The following CNTN6 variants were observed in gnomAD, a reference collection of about 807,000 sequenced individuals.
CNTN6 encodes the protein contactin 6.
A neutral mutation model predicts 122.8 loss-of-function variants in CNTN6; 137 were observed. The observed-to-expected ratio is 1.12, with a 90% CI of 0.97 to 1.29. The LOEUF (loss-of-function observed/expected upper bound fraction) is 1.29, where lower values mean the gene tolerates loss of function less well. Ranked by LOEUF, CNTN6 falls within the 50% of genes most tolerant of loss-of-function variation. CNTN6 has a pLI of 0.00. For synonymous variants in CNTN6, 570 were observed against 426.0 expected, an observed-to-expected ratio of 1.34 and a Z score of -4.16; for missense variants, 1,634 against 1,223.4, an observed-to-expected ratio of 1.34 and a Z score of -5.01.
intron 2 of CNTN6, among the ~76,000 whole-genome samples, chr3:1,169,148 T>C (rs561399070): frequency 1.4e-4 from 22 of 152,296 alleles, no homozygotes; most frequent in Middle Eastern, 3.4e-3. Context: ...AGTCATGCTT[T>C]AGGATTTAAT....
chr3:1,320,225 T>A (rs1043745661), intron 7 of CNTN6, among the ~76,000 whole-genome samples: 4 of 151,744 alleles, frequency 2.6e-5, no homozygotes, highest in African/African-American at 7.3e-5. Flanking sequence ...AAGTTTTCAC[T>A]GTAATTGTAT....
chr3:1,227,981 C>A lies in CNTN6; in HGVS notation c.346C>A (p.Leu116Ile), dbSNP rs930177538. 2.5e-6 allele frequency: 4 copies of A among 1,613,154 alleles called. No homozygotes were observed. Among genetic ancestry groups the A allele is most frequent in the African/African-American group, 1.3e-5 (1 of 74,976 alleles). Residue 116 changes from leucine (L) to isoleucine (I), a missense_variant, in exon 4 of 23, where the codon CTC becomes ATC. Coordinates refer to ENST00000446702, the MANE Select transcript of CNTN6 (RefSeq NM_001289080.2). ...GACAATTCTGAGTCGGAAGGCAAAG[C>A]TCCAATTTGCATGTGAGTTTGGGGT... ...LGTILSRKAK[L>I]QFAYIEDFET...
chr3:1,127,771 A>C (rs2092215229), intron 1 of CNTN6, among the ~76,000 whole-genome samples: 1 of 151,762 alleles, frequency 6.6e-6, no homozygotes, highest in South Asian at 2.1e-4. Context: ...GGTCTTTTCT[A>C]TTTTTTTCCA....
chr3:1,360,733 C>T lies in CNTN6; in HGVS notation c.1492+8282C>T, dbSNP rs141695396. ...AACTCAAATCAAGCTAATTCCAGCT[C>T]AGATATTTCTCTTCAATCCCCAAAT... On this transcript the variant is annotated intron_variant, in intron 12 of 22. Coordinates refer to ENST00000446702, the MANE Select transcript of CNTN6 (RefSeq NM_001289080.2). Among the ~76,000 whole-genome samples, 246 of 151,996 alleles carry T rather than the reference C, an allele frequency of 1.6e-3. 2 individuals are homozygous for T. Among genetic ancestry groups the T allele is most frequent in the African/African-American group, 5.7e-3 (236 of 41,496 alleles).
At position 1,295,778 on chromosome 3, in the gene CNTN6, C is replaced by G. The variant is rs773974638; in HGVS notation, c.632C>G (p.Pro211Arg). 5.6e-6 allele frequency: 9 copies of G among 1,613,772 alleles called. No homozygotes were observed. Among genetic ancestry groups the G allele is most frequent in the Non-Finnish European group, 7.6e-6 (9 of 1,179,838 alleles). ...KEAQRSVQGP[P>R]TPLVQRTDGV... ...GCCCAGAGAAGTGTTCAAGGTCCAC[C>G]CACTCCATTAGTGCAGCGCACTGAT... Residue 211 changes from proline (P) to arginine (R), a missense_variant, in exon 6 of 23, where the codon CCC becomes CGC. Coordinates refer to ENST00000446702, the MANE Select transcript of CNTN6 (RefSeq NM_001289080.2).
intron 5 of CNTN6, among the ~76,000 whole-genome samples, chr3:1,279,081 G>C (rs1692922714): frequency 6.6e-6 from 1 of 152,176 alleles, no homozygotes; most frequent in African/African-American, 2.4e-5. Flanking sequence ...ATTACCGGAA[G>C]GGATAGATCA....
At chr3:1,208,006 G>T (rs1295312135) in intron 2 of CNTN6, among the ~76,000 whole-genome samples, 2 of 151,702 alleles carry the variant, frequency 1.3e-5, no homozygotes, top group Non-Finnish European at 2.9e-5. Context: ...TGTTGGTATT[G>T]TGCCTACATA....
chr3:1,344,422 C>T (rs6775831), intron 11 of CNTN6, among the ~76,000 whole-genome samples: 52 of 152,220 alleles, frequency 3.4e-4, no homozygotes, highest in African/African-American at 1.2e-3. Context: ...ACCTGACTGC[C>T]CCTTTGCTGG....
intron 12 of CNTN6, among the ~76,000 whole-genome samples, chr3:1,368,179 A>G (rs1708501535): frequency 3.3e-5 from 5 of 152,192 alleles, no homozygotes; most frequent in Admixed American, 3.3e-4. Flanking sequence ...GTAATTGAAG[A>G]TACAAAAATG....
At chr3:1,276,228 C>A (rs1692333901) in intron 4 of CNTN6, among the ~76,000 whole-genome samples, 1 of 152,158 alleles carries the variant, frequency 6.6e-6, no homozygotes, top group South Asian at 2.1e-4. Flanking sequence ...TTATGCCAAT[C>A]TAACAGGATG....
At chr3:1,257,993 C>T (rs2094786968) in intron 4 of CNTN6, among the ~76,000 whole-genome samples, 1 of 152,102 alleles carries the variant, frequency 6.6e-6, no homozygotes, top group Admixed American at 6.6e-5. Flanking sequence ...CTATCAATTT[C>T]ATTTTAACCT....
intron 12 of CNTN6, among the ~76,000 whole-genome samples, chr3:1,362,205 A>C (rs1250992580): frequency 6.6e-6 from 1 of 152,078 alleles, no homozygotes; most frequent in Non-Finnish European, 1.5e-5. Flanking sequence ...TGAAAAAGTA[A>C]ATCTTCCCGG....
At chr3:1,356,520 G>A (rs1289634645) in intron 12 of CNTN6, among the ~76,000 whole-genome samples, 1 of 151,762 alleles carries the variant, frequency 6.6e-6, no homozygotes, top group Non-Finnish European at 1.5e-5. Context: ...TGGAGGCTTC[G>A]TGGCTCTAGA....
At chr3:1,154,703 T>A (rs137863230) in intron 2 of CNTN6, among the ~76,000 whole-genome samples, 4,816 of 152,034 alleles carry the variant, frequency 0.032, 267 homozygotes, top group African/African-American at 0.11. Context: ...TCAGCCTCCC[T>A]AAGTGCTGGG....
At chr3:1,311,035 G>T (rs1413361214) in intron 7 of CNTN6, among the ~76,000 whole-genome samples, 1 of 151,810 alleles carries the variant, frequency 6.6e-6, no homozygotes, top group East Asian at 1.9e-4. Context: ...AGAGCTGAGG[G>T]CAGGCAAGGA....
At chr3:1,135,852 C>T (rs1307822907) in intron 1 of CNTN6, among the ~76,000 whole-genome samples, 2 of 152,012 alleles carry the variant, frequency 1.3e-5, no homozygotes, top group East Asian at 3.9e-4. Context: ...ATTAGCTGGG[C>T]ACGGTGGTGA....
intron 2 of CNTN6, among the ~76,000 whole-genome samples, chr3:1,194,300 A>C (rs1351473774): frequency 1.3e-5 from 2 of 152,152 alleles, no homozygotes; most frequent in Non-Finnish European, 2.9e-5. Context: ...GAGAAATGGA[A>C]GTACCTGTAC....
At chr3:1,141,205 G>A (rs1473149822) in intron 1 of CNTN6, among the ~76,000 whole-genome samples, 2 of 152,174 alleles carry the variant, frequency 1.3e-5, no homozygotes, top group Non-Finnish European at 2.9e-5. Context: ...TGAACAAAGT[G>A]AATTTGAGAT....
rs1692561797 is a variant in CNTN6, at chr3:1,277,346, C to CTTTTCTTT, written c.359-1063_359-1062insCTTTTTTT. Among the ~76,000 whole-genome samples the CTTTTCTTT allele has an allele frequency of 1.0e-4, 8 of 80,192 alleles. No homozygotes were observed. The East Asian group carries it at 1.5e-3, about 15-fold the overall frequency. The allele number at this position is 80,192 out of a possible 152,430, so 52.6% of individuals were successfully genotyped here. On this transcript the variant is annotated intron_variant, in intron 4 of 22. Transcript: ENST00000446702. ...CTACTTCTGTCTTTTAGTAGGTTTT[C>CTTTTCTTT]TTTTTTTTTTTTTTTTTTTTTTTTT...
Sources: allele counts gnomAD v4.1 joint callset (sites outside exome capture counted in the v4.1 genomes callset), GRCh38; gene constraint gnomAD v4.1.1; transcripts MANE v1.5; gene names NCBI Gene and HGNC (gene_info 2026-07-23, HGNC 2026-07-21).